Variants in ITGA6 observed in about 807,000 individuals in gnomAD.
ITGA6 encodes integrin alpha-6.
A neutral mutation model predicts 133.6 loss-of-function variants in ITGA6; 63 were observed. The observed-to-expected ratio is 0.47, with a 90% confidence interval of 0.38 to 0.58. The LOEUF is 0.58. ITGA6 is among the 20% of genes least tolerant of loss of function. The pLI, the probability that ITGA6 is intolerant of heterozygous loss-of-function variation, is 0.00. For synonymous variants in ITGA6, 434 were observed against 482.0 expected, an observed-to-expected ratio of 0.90 and a Z score of 1.30; for missense variants, 1,068 against 1,309.4, an observed-to-expected ratio of 0.82 and a Z score of 2.85.
At chr2:172,452,968 G>A (rs1685067186) in intron 1 of ITGA6, among the ~76,000 whole-genome samples, 1 of 152,188 alleles carries the variant, frequency 6.6e-6, no homozygotes, top group Non-Finnish European at 1.5e-5. Context: ...GGAATTGCTG[G>A]AAATTAGAAT....
chr2:172,474,568 G>T (rs1431015320), intron 6 of ITGA6, among the ~76,000 whole-genome samples: 3 of 152,164 alleles, frequency 2.0e-5, no homozygotes, highest in Non-Finnish European at 4.4e-5. Context: ...TCTGTTCTGT[G>T]GTTTCATATG....
In ITGA6 at chr2:172,432,153, A is replaced by T. The variant is rs552957483; in HGVS notation, c.182+4183A>T. Reference sequence around the variant, plus strand: ...ACAGAAAATACTGTTGTAAGCTTAGATGACAGGGTCAATTGTGCCTGAAAC... The same window carrying T: ...ACAGAAAATACTGTTGTAAGCTTAGTTGACAGGGTCAATTGTGCCTGAAAC... On this transcript the variant is annotated intron_variant, in intron 1 of 25. Transcript: ENST00000684293. Among the ~76,000 whole-genome samples, 74 of 152,358 alleles carry T rather than the reference A, an allele frequency of 4.9e-4. 3 individuals are homozygous for T. The South Asian group carries it at 6.2e-3, about 13-fold the overall frequency.
chr2:172,489,188 C>T (rs992300545), intron 19 of ITGA6, among the ~76,000 whole-genome samples: 55 of 152,114 alleles, frequency 3.6e-4, no homozygotes, highest in Admixed American at 3.3e-4. Context: ...CATGATTTTC[C>T]CTGGGCGTAT....
At chr2:172,465,695 C>T in intron 2 of ITGA6, 32 bp downstream of exon 2, 1 of 1,614,010 alleles carries the variant, frequency 6.2e-7, no homozygotes, top group South Asian at 1.1e-5. Flanking sequence ...AGCGTTCACT[C>T]CGGCAGCTTG....
intron 5 of ITGA6, among the ~76,000 whole-genome samples, chr2:172,471,592 G>A (rs1346466546): frequency 9.9e-5 from 15 of 152,186 alleles, no homozygotes; most frequent in Admixed American, 9.8e-4. Context: ...GATTAGCCCT[G>A]CTTCTGGATT....
chr2:172,471,176 CCTATGGCCCCTGGACTT>C, intron 5 of ITGA6, 71 bp downstream of exon 5: 1 of 1,570,678 alleles, frequency 6.4e-7, no homozygotes, highest in Non-Finnish European at 8.8e-7. Context: ...CCTCGCAGGG[CCTATGGCCCCTGGACTT>C]CTAGGCTGAG....
intron 24 of ITGA6, among the ~76,000 whole-genome samples, chr2:172,499,830 C>A (rs887028458): frequency 6.6e-6 from 1 of 152,136 alleles, no homozygotes; most frequent in African/African-American, 2.4e-5. Context: ...TGTATATAAT[C>A]TTGGTCAAAT....
Position 172,427,941 on chromosome 2 carries a change from C to T in ITGA6, c.153C>T (p.His51=). ...TCTTCGGCTTCTCGCTGGCCATGCACTGGCAACTGCAGCCCGAGGACAAGC... is the reference window on the plus strand; with the variant it reads ...TCTTCGGCTTCTCGCTGGCCATGCATTGGCAACTGCAGCCCGAGGACAAGC... ...GSLFGFSLAM[H]WQLQPEDKRL... The change falls in exon 1 of 26, where the codon CAC becomes CAT. Residue 51 remains histidine, a synonymous_variant. Coordinates refer to ENST00000684293, the MANE Select transcript of ITGA6 (RefSeq NM_000210.4). The T allele has an allele frequency of 2.5e-6, 4 of 1,606,642 alleles. No individual in the cohort carries two copies. The highest frequency in any genetic ancestry group is 3.4e-6 in the Non-Finnish European group (4 of 1,177,016).
chr2:172,445,667 G>GA (rs1325005662), intron 1 of ITGA6, among the ~76,000 whole-genome samples: 43 of 132,302 alleles, frequency 3.3e-4, no homozygotes, highest in East Asian at 3.1e-3. Flanking sequence ...AAAAAAAAAA[G>GA]AAAAAAAAAA....
In ITGA6 at chr2:172,491,304, G is replaced by A. The variant is rs61757097; in HGVS notation, c.2862G>A (p.Ser954=). The A allele has an allele frequency of 1.6e-5, 25 of 1,611,442 alleles. No individual in the cohort carries two copies. The South Asian group carries it at 1.6e-4, about 11-fold the overall frequency. The change falls in exon 22 of 26, where the codon TCG becomes TCA. Residue 954 remains serine, a synonymous_variant. Coordinates refer to ENST00000684293, the MANE Select transcript of ITGA6 (RefSeq NM_000210.4). The surrounding 1 kb of genome is among the most constrained non-coding windows in gnomAD (Gnocchi z 4.4). ...GCAAGGCGTCTCTTATTTTGCGCTC[G>A]AGGTTATGGAACAGCACATTTCTAG... ...LDSKASLILR[S]RLWNSTFLEE...
intron 2 of ITGA6, among the ~76,000 whole-genome samples, chr2:172,467,117 G>A (rs1172920698): frequency 6.6e-6 from 1 of 152,156 alleles, no homozygotes. Flanking sequence ...CTGCAGTTTG[G>A]AATACTAGAT....
rs770788393 is a variant in ITGA6 at position 172,491,464 on chromosome 2, G to A, written c.2929G>A (p.Ala977Thr). ...KLNYLDILMR[A>T]FIDVTAAAEN... ...GAACTACTTGGACATTCTCATGCGA[G>A]CCTTCATTGATGTGACTGCTGCTGC... The change falls in exon 23 of 26, where the codon GCC becomes ACC. Residue 977 changes from alanine to threonine, a missense_variant. Around this residue, in one of 3 missense-constraint regions of ITGA6, gnomAD observed 609 missense variants for 707.2 expected, o/e 0.86. Coordinates refer to ENST00000684293, the MANE Select transcript of ITGA6 (RefSeq NM_000210.4). The surrounding 1 kb of genome is among the most constrained non-coding windows in gnomAD (Gnocchi z 4.4). 48 of 1,613,720 alleles carry A rather than the reference G, an allele frequency of 3.0e-5. No homozygotes were observed. In the African/African-American group the frequency reaches 5.3e-4, roughly 18 times the overall value.
At chr2:172,501,699 AT>A in intron 24 of ITGA6, 72 bp from the exon 25 acceptor site, 1 of 1,505,404 alleles carries the variant, frequency 6.6e-7, no homozygotes. Flanking sequence ...GCAGATTAAA[AT>A]TTGAGATGTT....
At chr2:172,495,927 C>A (rs1470324487) in intron 23 of ITGA6, among the ~76,000 whole-genome samples, 2 of 152,206 alleles carry the variant, frequency 1.3e-5, no homozygotes, top group Admixed American at 1.3e-4. Context: ...ATTCTCCTTG[C>A]CGAAGACCAG....
At chr2:172,486,037 A>G (rs1022756908) in intron 13 of ITGA6, among the ~76,000 whole-genome samples, 5 of 152,034 alleles carry the variant, frequency 3.3e-5, no homozygotes, top group Non-Finnish European at 5.9e-5. Flanking sequence ...GTTAGCGGGT[A>G]TGATGGAGCA....
At chr2:172,469,482 T>C in intron 4 of ITGA6, 102 bp downstream of exon 4, 1 of 1,056,024 alleles carries the variant, frequency 9.5e-7, no homozygotes, top group Non-Finnish European at 1.4e-6. Context: ...CATTCGTATA[T>C]TATAAAAGTT....
rs138735649 is a variant in ITGA6 at position 172,469,973 on chromosome 2, A to G, written c.643+593A>G. On this transcript the variant is annotated intron_variant, in intron 4 of 25. Transcript: ENST00000684293. ...AAATGGAGATGTAGAGAGGTAAAGA[A>G]GAAAATGGCCCACATTTTTTGACTG... Among the ~76,000 whole-genome samples, 886 of 152,318 alleles carry G rather than the reference A, an allele frequency of 5.8e-3. 10 individuals carry two copies. Among genetic ancestry groups the G allele is most frequent in the African/African-American group, 0.018 (757 of 41,570 alleles).
chr2:172,476,771 GA>G (rs945028640), intron 9 of ITGA6, among the ~76,000 whole-genome samples: 1 of 151,818 alleles, frequency 6.6e-6, no homozygotes, highest in Non-Finnish European at 1.5e-5. Flanking sequence ...TTTTGATGAT[GA>G]AAAAAACAAA....
upstream of ITGA6, chr2:172,427,566 C>A: frequency 1.6e-6 from 2 of 1,224,164 alleles, no homozygotes; most frequent in Non-Finnish European, 2.0e-6. Flanking sequence ...TGATAAAACG[C>A]CTGCGAGTCT....
Sources: gnomAD v4.1 joint callset for allele counts (sites outside exome capture counted in the v4.1 genomes callset) on GRCh38, gnomAD v4.1.1 for gene constraint, gnomAD v4.1.1 regional missense constraint, Gnocchi (gnomAD v3.1) non-coding constraint, MANE v1.5 for transcripts, NCBI Gene and HGNC (gene_info 2026-07-23, HGNC 2026-07-21) for gene names.